Variants in RBFOX1 observed in about 807,000 individuals in gnomAD.
The protein encoded by RBFOX1 is RNA binding fox-1 homolog 1.
In RBFOX1, 8 loss-of-function variants were observed where a neutral mutation model predicts 57.7. The ratio of observed to expected loss-of-function variants is 0.14; its 90% CI spans 0.08 to 0.25. The LOEUF (loss-of-function observed/expected upper bound fraction) is 0.25. RBFOX1 is among the 10% of genes least tolerant of loss of function. The pLI, the probability that RBFOX1 is intolerant of heterozygous loss-of-function variation, is 1.00. For synonymous variants in RBFOX1, 326 were observed against 222.4 expected, an observed-to-expected ratio of 1.47 and a Z score of -4.15; for missense variants, 611 against 548.5, an observed-to-expected ratio of 1.11 and a Z score of -1.14.
intron 3 of RBFOX1, among the ~76,000 whole-genome samples, chr16:6,988,262 C>A (rs972968577): frequency 6.6e-6 from 1 of 152,142 alleles, no homozygotes; most frequent in South Asian, 2.1e-4. Context: ...GGACTTTCTC[C>A]TCTCAGCAAA....
At chr16:6,320,638 A>C (rs1413607260) in intron 2 of RBFOX1, among the ~76,000 whole-genome samples, 1 of 152,166 alleles carries the variant, frequency 6.6e-6, no homozygotes, top group Non-Finnish European at 1.5e-5. Context: ...TGCTAAGAGA[A>C]TAGATAAGGA....
At chr16:5,841,731 GCT>G (rs2056630589) in intron 3 of RBFOX1, among the ~76,000 whole-genome samples, 1 of 152,190 alleles carries the variant, frequency 6.6e-6, no homozygotes, top group Non-Finnish European at 1.5e-5. Flanking sequence ...GAGGCCCAGT[GCT>G]CTGTCTGACT....
At chr16:6,744,742 A>C (rs2073159902) in intron 3 of RBFOX1, among the ~76,000 whole-genome samples, 1 of 152,124 alleles carries the variant, frequency 6.6e-6, no homozygotes, top group East Asian at 1.9e-4. Context: ...TAGGATAGTG[A>C]AAAATGGTCT....
intron 3 of RBFOX1, among the ~76,000 whole-genome samples, chr16:5,849,872 G>T (rs1390469751): frequency 6.6e-6 from 1 of 152,120 alleles, no homozygotes; most frequent in Non-Finnish European, 1.5e-5. Flanking sequence ...CCCTCCAAAA[G>T]CATGTTTTCA....
At chr16:7,161,273 A>G (rs2078269049) in intron 4 of RBFOX1, among the ~76,000 whole-genome samples, 1 of 152,218 alleles carries the variant, frequency 6.6e-6, no homozygotes, top group Non-Finnish European at 1.5e-5. Context: ...TGCTGTGACC[A>G]TGAGATAGGG....
At chr16:7,548,616 G>C (rs191808503) in intron 5 of RBFOX1, among the ~76,000 whole-genome samples, 31 of 152,324 alleles carry the variant, frequency 2.0e-4, no homozygotes, top group African/African-American at 6.7e-4. Flanking sequence ...GGATGAGCAG[G>C]ATGCTCTGGG....
At chr16:5,270,431 A>T (rs1236613797) in intron 1 of RBFOX1, 2 of 964,864 alleles carry the variant, frequency 2.1e-6, no homozygotes, top group Admixed American at 1.7e-5. Flanking sequence ...ATTCAAGCTG[A>T]TTACTGAAGA....
chr16:7,055,910 T>C (rs2153737602), intron 4 of RBFOX1, among the ~76,000 whole-genome samples: 1 of 152,278 alleles, frequency 6.6e-6, no homozygotes, highest in South Asian at 2.1e-4. Flanking sequence ...TCAGCAACTT[T>C]GTGAATTCTG....
chr16:7,301,008 C>G (rs866163546), intron 4 of RBFOX1, among the ~76,000 whole-genome samples: 1 of 151,666 alleles, frequency 6.6e-6, no homozygotes. Context: ...TTCCCCACTT[C>G]TCCCATTTAT....
chr16:5,859,216 CA>C (rs1297850671), intron 3 of RBFOX1, among the ~76,000 whole-genome samples: 1 of 151,894 alleles, frequency 6.6e-6, no homozygotes, highest in Admixed American at 6.6e-5. Context: ...CAAACAAAAA[CA>C]AAAACAAAAA....
rs147231730 is a variant in RBFOX1 at position 6,620,342 on chromosome 16, A to C, written c.-63-34261A>C. ...TACCAGAATCTCTGAGACGCAGCTA[A>C]GGCAGTGTTAAGAGGGAAATGTATA... On this transcript the variant is annotated intron_variant, in intron 2 of 15. Coordinates refer to ENST00000550418, the MANE Select transcript of RBFOX1 (RefSeq NM_018723.4). Among the ~76,000 whole-genome samples, 4 of 152,316 alleles carry C rather than the reference A, an allele frequency of 2.6e-5. No homozygotes were observed. In the South Asian group the frequency reaches 6.2e-4, roughly 24 times the overall value.
chr16:7,528,234 A>G (rs1017745289), intron 5 of RBFOX1, among the ~76,000 whole-genome samples: 1 of 152,142 alleles, frequency 6.6e-6, no homozygotes, highest in Non-Finnish European at 1.5e-5. Context: ...CCATCTGACA[A>G]GTTTCATCGT....
intron 1 of RBFOX1, among the ~76,000 whole-genome samples, chr16:5,386,145 T>G (rs2066249179): frequency 6.6e-6 from 1 of 151,648 alleles, no homozygotes; most frequent in Non-Finnish European, 1.5e-5. Flanking sequence ...TTAGGTTTAT[T>G]AGTGATCACC....
At chr16:6,705,783 C>T (rs575403032) in intron 3 of RBFOX1, among the ~76,000 whole-genome samples, 21 of 152,156 alleles carry the variant, frequency 1.4e-4, no homozygotes, top group Admixed American at 1.1e-3. Flanking sequence ...TTTGGGAGCC[C>T]GAGGCAGGCA....
intron 1 of RBFOX1, among the ~76,000 whole-genome samples, chr16:5,451,149 C>G (rs949214496): frequency 1.3e-5 from 2 of 152,176 alleles, no homozygotes; most frequent in Non-Finnish European, 2.9e-5. Flanking sequence ...AATATGGAGT[C>G]TGTCTGATGT....
intron 1 of RBFOX1, among the ~76,000 whole-genome samples, chr16:5,387,916 G>A (rs796485761): frequency 2.3e-4 from 35 of 152,190 alleles, no homozygotes; most frequent in African/African-American, 7.2e-4. Flanking sequence ...GAATCAGAGC[G>A]ATCTCATGGG....
intron 4 of RBFOX1, among the ~76,000 whole-genome samples, chr16:7,262,545 C>T (rs1340422048): frequency 6.6e-6 from 1 of 152,244 alleles, no homozygotes; most frequent in Non-Finnish European, 1.5e-5. Context: ...GCATAGCACC[C>T]CACTTTGTGG....
At chr16:6,768,606 C>A (rs930448579) in intron 3 of RBFOX1, among the ~76,000 whole-genome samples, 4 of 151,698 alleles carry the variant, frequency 2.6e-5, no homozygotes, top group African/African-American at 4.8e-5. Flanking sequence ...CATCTACAAA[C>A]ATATATGATT....
At chr16:5,769,666 A>G (rs552451921) in intron 3 of RBFOX1, among the ~76,000 whole-genome samples, 283 of 152,078 alleles carry the variant, frequency 1.9e-3, no homozygotes, top group African/African-American at 6.7e-3. Flanking sequence ...AAAGGAGGAG[A>G]AATTTGGACA....
Sources: allele counts gnomAD v4.1 joint callset (sites outside exome capture counted in the v4.1 genomes callset), GRCh38; gene constraint gnomAD v4.1.1; transcripts MANE v1.5; gene names NCBI Gene and HGNC (gene_info 2026-07-23, HGNC 2026-07-21).